Variants in MACROD2 observed in about 807,000 individuals in gnomAD.
The protein encoded by MACROD2 is ADP-ribose glycohydrolase MACROD2.
MACROD2 carries 36 observed loss-of-function variants against 70.4 expected under a neutral mutation model. That is an observed-to-expected ratio of 0.51 (90% CI 0.39 to 0.68). MACROD2 has a LOEUF of 0.68. Ranked by LOEUF, MACROD2 falls within the 30% of genes least tolerant of loss-of-function variation. The pLI is 0.00. For synonymous variants in MACROD2, 172 were observed against 178.8 expected, an observed-to-expected ratio of 0.96 and a Z score of 0.30; for missense variants, 496 against 538.4, an observed-to-expected ratio of 0.92 and a Z score of 0.78.
chr20:15,209,451 A>G (rs1216932289), intron 5 of MACROD2, among the ~76,000 whole-genome samples: 5 of 152,190 alleles, frequency 3.3e-5, no homozygotes, highest in Non-Finnish European at 5.9e-5. Flanking sequence ...TAAAGTTAGG[A>G]AAAGATGAAA....
chr20:15,560,204 G>T (rs1263627831), intron 8 of MACROD2, among the ~76,000 whole-genome samples: 2 of 152,128 alleles, frequency 1.3e-5, no homozygotes, highest in African/African-American at 2.4e-5. Flanking sequence ...AAGAGACATT[G>T]TGTTGGAGTA....
At chr20:14,222,128 A>G (rs2081680468) in intron 3 of MACROD2, among the ~76,000 whole-genome samples, 1 of 152,212 alleles carries the variant, frequency 6.6e-6, no homozygotes, top group Non-Finnish European at 1.5e-5. Flanking sequence ...CAATCCCACT[A>G]TGGTGTATCT....
intron 3 of MACROD2, among the ~76,000 whole-genome samples, chr20:14,264,917 G>A (rs1601413890): frequency 6.6e-6 from 1 of 152,294 alleles, no homozygotes; most frequent in East Asian, 1.9e-4. Context: ...TTTTGTTGAG[G>A]GGCAAATAAT....
rs138443809 is a variant in MACROD2 at position 15,347,465 on chromosome 20, A to G, written c.541-83940A>G. Among the ~76,000 whole-genome samples, 228 of 152,282 alleles carry G rather than the reference A, an allele frequency of 1.5e-3. 3 individuals carry two copies. Among genetic ancestry groups the G allele is most frequent in the African/African-American group, 5.2e-3 (216 of 41,552 alleles). On this transcript the variant is annotated intron_variant, in intron 6 of 17. Transcript: ENST00000684519. ...AGAACTGGTTATGTTTTGAGGATCC[A>G]TATTCAGGAACATATAAATTTATAT...
chr20:14,596,793 G>T (rs1048838531), intron 4 of MACROD2, among the ~76,000 whole-genome samples: 1 of 152,116 alleles, frequency 6.6e-6, no homozygotes, highest in African/African-American at 2.4e-5. Flanking sequence ...TCTGTACCAT[G>T]GAGTTAATAA....
intron 15 of MACROD2, among the ~76,000 whole-genome samples, chr20:16,039,734 G>A (rs930577949): frequency 6.6e-6 from 1 of 151,910 alleles, no homozygotes; most frequent in Admixed American, 6.6e-5. Flanking sequence ...AATAGGCAGT[G>A]TGAGAAAGGT....
chr20:14,660,297 C>T (rs551017672), intron 4 of MACROD2, among the ~76,000 whole-genome samples: 69 of 152,246 alleles, frequency 4.5e-4, no homozygotes, highest in African/African-American at 1.6e-3. Context: ...TTTCAGAAGG[C>T]TTTCAAGATG....
intron 4 of MACROD2, among the ~76,000 whole-genome samples, chr20:14,635,700 G>A (rs1275005666): frequency 2.6e-5 from 4 of 152,146 alleles, no homozygotes; most frequent in Non-Finnish European, 5.9e-5. Flanking sequence ...CTGTATTCAT[G>A]TATGTAACTC....
intron 3 of MACROD2, among the ~76,000 whole-genome samples, chr20:14,211,598 T>A (rs2122134372): frequency 6.6e-6 from 1 of 152,336 alleles, no homozygotes; most frequent in Middle Eastern, 3.4e-3. Context: ...AAGTATGCAG[T>A]CTGTGTTTAC....
chr20:15,200,401 AG>A (rs1358805736), intron 5 of MACROD2, among the ~76,000 whole-genome samples: 1 of 152,194 alleles, frequency 6.6e-6, no homozygotes, highest in Non-Finnish European at 1.5e-5. Flanking sequence ...GGTGGGGTAA[AG>A]GTGAGAAAAG....
At chr20:15,072,099 A>G (rs1469272148) in intron 5 of MACROD2, among the ~76,000 whole-genome samples, 1 of 152,192 alleles carries the variant, frequency 6.6e-6, no homozygotes, top group African/African-American at 2.4e-5. Flanking sequence ...TACTAACACA[A>G]TAATATCTTT....
chr20:14,307,471 T>C (rs1447771074), intron 3 of MACROD2, among the ~76,000 whole-genome samples: 1 of 152,132 alleles, frequency 6.6e-6, no homozygotes, highest in Non-Finnish European at 1.5e-5. Flanking sequence ...AAATATTCAG[T>C]TTTTTAAATT....
intron 5 of MACROD2, among the ~76,000 whole-genome samples, chr20:15,209,916 G>A (rs2076746801): frequency 1.3e-5 from 2 of 152,146 alleles, no homozygotes; most frequent in South Asian, 4.1e-4. Context: ...ATGCCAGGAT[G>A]GTTCTCCATA....
intron 10 of MACROD2, among the ~76,000 whole-genome samples, chr20:15,887,165 T>G (rs571689180): frequency 1.3e-4 from 20 of 152,228 alleles, no homozygotes; most frequent in African/African-American, 4.6e-4. Context: ...GTTTGATCGG[T>G]GTGGTCCTTC....
rs1165796772 is a variant in MACROD2, at chr20:14,423,755, A to ATTTTTTTTTTTTT, written c.272-69712_272-69700dup. Among the ~76,000 whole-genome samples, 131 of 63,110 alleles carry ATTTTTTTTTTTTT rather than the reference A, an allele frequency of 2.1e-3. 4 individuals are homozygous for ATTTTTTTTTTTTT. Among genetic ancestry groups the ATTTTTTTTTTTTT allele is most frequent in the Non-Finnish European group, 3.1e-3 (110 of 35,548 alleles). The allele number at this position is 63,110 out of a possible 152,430, so 41.4% of individuals were successfully genotyped here. ...GTCCACCATTTTGCTGACATCTTAA[A>ATTTTTTTTTTTTT]TTTTTTTTTTTTTTTTTTTTTTTTG... On this transcript the variant is annotated intron_variant, in intron 3 of 17. Coordinates refer to ENST00000684519, the MANE Select transcript of MACROD2 (RefSeq NM_001351661.2).
At chr20:14,309,233 A>G (rs1876715854) in intron 3 of MACROD2, among the ~76,000 whole-genome samples, 1 of 152,190 alleles carries the variant, frequency 6.6e-6, no homozygotes, top group Non-Finnish European at 1.5e-5. Context: ...CAACCTCTTC[A>G]AGGAAAAAGT....
At chr20:14,469,044 A>G (rs892555010) in intron 3 of MACROD2, among the ~76,000 whole-genome samples, 1 of 152,036 alleles carries the variant, frequency 6.6e-6, no homozygotes, top group African/African-American at 2.4e-5. Context: ...ACAATTCGGT[A>G]TGTTTTTGCA....
At chr20:15,398,655 A>C (rs2045891294) in intron 6 of MACROD2, among the ~76,000 whole-genome samples, 2 of 152,200 alleles carry the variant, frequency 1.3e-5, no homozygotes, top group South Asian at 4.1e-4. Context: ...GCTCATTAGC[A>C]TTGTGAAAAA....
chr20:14,131,526 T>C (rs2148699456), intron 3 of MACROD2, among the ~76,000 whole-genome samples: 1 of 152,342 alleles, frequency 6.6e-6, no homozygotes, highest in South Asian at 2.1e-4. Flanking sequence ...CAAAGTAATT[T>C]GGATGAAATA....
Sources: allele counts gnomAD v4.1 joint callset (sites outside exome capture counted in the v4.1 genomes callset), GRCh38; gene constraint gnomAD v4.1.1; transcripts MANE v1.5; gene names NCBI Gene and HGNC (gene_info 2026-07-23, HGNC 2026-07-21).